Variants in ZNF536 observed in about 807,000 individuals in gnomAD.
ZNF536 encodes zinc finger protein 536.
A neutral mutation model predicts 84.5 loss-of-function variants in ZNF536; 13 were observed. That is an observed-to-expected ratio of 0.15 (90% CI 0.10 to 0.24). ZNF536 has a LOEUF of 0.24. ZNF536 is among the 10% of genes least tolerant of loss of function. The pLI is 1.00. For synonymous variants in ZNF536, 811 were observed against 742.5 expected (o/e 1.09, Z -1.50); for missense variants, 1,536 against 1,747.5 (o/e 0.88, Z 2.16).
chr19:30,660,308 G>A lies in ZNF536; in HGVS notation c.170-50449G>A, dbSNP rs141463910. Among the ~76,000 whole-genome samples, 15 of 152,242 alleles carry A rather than the reference G, an allele frequency of 9.9e-5. No homozygotes were observed. In the East Asian group the frequency reaches 1.7e-3, roughly 18 times the overall value. ...TGAGTGTCAGAGCACACACCTTTCC[G>A]AGAGACGTTGTTTGACTATTTCACC... On this transcript the variant is annotated intron_variant, in intron 1 of 1. Transcript: ENST00000592773.
chr19:30,519,441 C>T (rs1388102826), intron 2 of ZNF536, among the ~76,000 whole-genome samples: 1 of 152,170 alleles, frequency 6.6e-6, no homozygotes, highest in Non-Finnish European at 1.5e-5. Flanking sequence ...GGGAGCCCTG[C>T]ACTCTCTCAA....
intron 1 of ZNF536, among the ~76,000 whole-genome samples, chr19:30,262,892 G>A (rs2025301745): frequency 2.0e-5 from 3 of 152,182 alleles, no homozygotes; most frequent in South Asian, 2.1e-4. Flanking sequence ...TTCTGCCCTC[G>A]TGGAATTTGC....
intron 1 of ZNF536, among the ~76,000 whole-genome samples, chr19:30,410,951 C>G (rs2050470208): frequency 6.6e-6 from 1 of 152,184 alleles, no homozygotes; most frequent in Non-Finnish European, 1.5e-5. Context: ...TGCTTTGACA[C>G]TAGCATTTAT....
chr19:30,440,608 T>C (rs1452347778), intron 1 of ZNF536, among the ~76,000 whole-genome samples: 2 of 152,120 alleles, frequency 1.3e-5, no homozygotes, highest in Non-Finnish European at 2.9e-5. Flanking sequence ...AAAGGACCAA[T>C]GACAAAATGT....
At chr19:30,357,599 G>T (rs1463106872) in intron 3 of ZNF536, among the ~76,000 whole-genome samples, 2 of 152,152 alleles carry the variant, frequency 1.3e-5, no homozygotes, top group Non-Finnish European at 2.9e-5. Flanking sequence ...CTGGTGATTT[G>T]TCCAAAGCTG....
upstream of ZNF536, among the ~76,000 whole-genome samples, chr19:30,369,503 T>C (rs1256183559): frequency 1.3e-5 from 2 of 152,044 alleles, no homozygotes; most frequent in Non-Finnish European, 2.9e-5. Context: ...CGTCTGCGAT[T>C]GTGCAGTCTA....
At chr19:30,441,812 G>T (rs1234252941) in intron 1 of ZNF536, among the ~76,000 whole-genome samples, 1 of 152,174 alleles carries the variant, frequency 6.6e-6, no homozygotes, top group Non-Finnish European at 1.5e-5. Context: ...CTGCCTCCTG[G>T]AAGTAAACAT....
chr19:30,229,517 G>T (rs963992121), intron 1 of ZNF536, among the ~76,000 whole-genome samples: 71 of 152,318 alleles, frequency 4.7e-4, no homozygotes, highest in African/African-American at 1.7e-3. Flanking sequence ...TTGCCGGCCA[G>T]CCTGGGAACT....
At chr19:30,270,885 C>A (rs527880805) in intron 1 of ZNF536, among the ~76,000 whole-genome samples, 1 of 150,796 alleles carries the variant, frequency 6.6e-6, no homozygotes, top group African/African-American at 2.4e-5. Context: ...AAATTCATTA[C>A]AATGTTTGTT....
chr19:30,479,048 C>G (rs1016274161), intron 2 of ZNF536, among the ~76,000 whole-genome samples: 1 of 152,226 alleles, frequency 6.6e-6, no homozygotes, highest in Non-Finnish European at 1.5e-5. Context: ...GCCCTCTCCC[C>G]AGTCCTGCAT....
intron 2 of ZNF536, among the ~76,000 whole-genome samples, chr19:30,450,842 C>T (rs2052570107): frequency 1.3e-5 from 2 of 151,766 alleles, no homozygotes; most frequent in South Asian, 2.1e-4. Context: ...TATTTTTCTG[C>T]CCCCAGCCCA....
chr19:30,445,034 G>T lies in ZNF536; in HGVS notation c.1472G>T (p.Cys491Phe), dbSNP rs771944197. 6.2e-7 allele frequency: 1 copy of T among 1,613,328 alleles called. No homozygotes were observed. The highest frequency in any genetic ancestry group is 8.5e-7 in the Non-Finnish European group (1 of 1,179,900). ...PEGDKHSLLG[C>F]LNLVPPLKSS... ...GGGGACAAGCACTCCCTCCTGGGAT[G>T]CCTCAATCTCGTGCCGCCGCTGAAA... The change falls in exon 2 of 5, where the codon TGC becomes TTC. Residue 491 changes from cysteine to phenylalanine, a missense_variant. Transcript: ENST00000355537. The surrounding 1 kb of genome is among the most constrained non-coding windows in gnomAD (Gnocchi z 4.5).
At chr19:30,656,531 A>G (rs1241610799) in intron 1 of ZNF536, among the ~76,000 whole-genome samples, 1 of 152,104 alleles carries the variant, frequency 6.6e-6, no homozygotes, top group Non-Finnish European at 1.5e-5. Flanking sequence ...GTTGGCTGTC[A>G]ATGTTGTTGT....
At chr19:30,484,679 CTTCTTCTT>C (rs2054227810) in intron 2 of ZNF536, among the ~76,000 whole-genome samples, 1 of 148,748 alleles carries the variant, frequency 6.7e-6, no homozygotes, top group African/African-American at 2.5e-5. Flanking sequence ...TCTTCTTCTT[CTTCTTCTT>C]TTTTTTTTTT....
chr19:30,360,377 T>C (rs946836070), intron 3 of ZNF536, among the ~76,000 whole-genome samples: 1 of 152,272 alleles, frequency 6.6e-6, no homozygotes, highest in African/African-American at 2.4e-5. Flanking sequence ...GTCAGACTGT[T>C]GCCTGAAAGT....
intron 1 of ZNF536, among the ~76,000 whole-genome samples, chr19:30,691,915 G>C (rs1310193684): frequency 6.6e-6 from 1 of 152,186 alleles, no homozygotes; most frequent in Non-Finnish European, 1.5e-5. Flanking sequence ...GGGCACCCGG[G>C]TGGTGATGCC....
intron 2 of ZNF536, among the ~76,000 whole-genome samples, chr19:30,519,933 T>C (rs2044250231): frequency 6.6e-6 from 1 of 152,218 alleles, no homozygotes; most frequent in African/African-American, 2.4e-5. Context: ...AGAAATGTCC[T>C]GAAGGTTAAA....
At chr19:30,622,913 C>A (rs1336239640) in intron 1 of ZNF536, among the ~76,000 whole-genome samples, 1 of 152,074 alleles carries the variant, frequency 6.6e-6, no homozygotes, top group Non-Finnish European at 1.5e-5. Context: ...GAAGCCCCTG[C>A]CCCATCTTGG....
intron 2 of ZNF536, among the ~76,000 whole-genome samples, chr19:30,329,244 A>G (rs1470362164): frequency 1.3e-5 from 2 of 152,234 alleles, no homozygotes; most frequent in Admixed American, 6.5e-5. Context: ...AAAGGACTGG[A>G]GCAATCAGCT....
Sources: gnomAD v4.1 joint callset for allele counts (sites outside exome capture counted in the v4.1 genomes callset) on GRCh38, gnomAD v4.1.1 for gene constraint, Gnocchi (gnomAD v3.1) non-coding constraint, MANE v1.5 for transcripts, NCBI Gene and HGNC (gene_info 2026-07-23, HGNC 2026-07-21) for gene names.